The following CCDC181 variants were observed in gnomAD, a reference collection of about 807,000 sequenced individuals.
The protein encoded by CCDC181 is coiled-coil domain containing 181, also known as coiled-coil domain-containing protein 181.
CCDC181 carries 35 observed loss-of-function variants against 58.7 expected under a neutral mutation model. The ratio of observed to expected loss-of-function variants is 0.60; its 90% CI spans 0.46 to 0.79. CCDC181 has a LOEUF of 0.79. CCDC181 is among the 30% of genes least tolerant of loss of function. The pLI, the probability that CCDC181 is intolerant of heterozygous loss-of-function variation, is 0.00. For synonymous variants in CCDC181, 183 were observed against 197.5 expected, an observed-to-expected ratio of 0.93 and a Z score of 0.62; for missense variants, 517 against 583.9, an observed-to-expected ratio of 0.89 and a Z score of 1.18.
intron 2 of CCDC181, among the ~76,000 whole-genome samples, chr1:169,451,938 A>G (rs1657554211): frequency 1.3e-5 from 2 of 152,082 alleles, no homozygotes; most frequent in Admixed American, 1.3e-4. Context: ...TGACTATGTT[A>G]TGATTAATTA....
intron 4 of CCDC181, among the ~76,000 whole-genome samples, chr1:169,406,504 G>A (rs947505698): frequency 6.6e-6 from 1 of 152,178 alleles, no homozygotes; most frequent in Non-Finnish European, 1.5e-5. Flanking sequence ...TTAGGGACAT[G>A]GATGAAGCTG....
chr1:169,458,178 TTTTTTTTTTTGTTTTG>T lies in CCDC181; in HGVS notation c.-24+1603_-24+1618del, dbSNP rs1557884432. On this transcript the variant is annotated intron_variant, in intron 2 of 6. Coordinates refer to the CCDC181 transcript ENST00000545005. ...GGCTGGGGCAAAAGTAATTTTTGTTTTTTTTTTTTTGTTTTGTTTTTTTTGCCATTTAAAAGTATGG... is the reference window on the plus strand; with the variant it reads ...GGCTGGGGCAAAAGTAATTTTTGTTTTTTTTTTTGCCATTTAAAAGTATGG... Among the ~76,000 whole-genome samples, 125 of 142,594 alleles carry T rather than the reference TTTTTTTTTTTGTTTTG, an allele frequency of 8.8e-4. 1 individual carries two copies. Among genetic ancestry groups the T allele is most frequent in the African/African-American group, 3.2e-3 (122 of 38,418 alleles). The allele number at this position is 142,594 out of a possible 152,430, so 93.5% of individuals were successfully genotyped here.
chr1:169,424,372 A>C (rs999941133), intron 2 of CCDC181, among the ~76,000 whole-genome samples: 2 of 151,916 alleles, frequency 1.3e-5, no homozygotes, highest in African/African-American at 4.8e-5. Context: ...TTCAGTCTTA[A>C]AGTTTTAAAT....
rs1206218019 is a variant in CCDC181 at position 169,395,124 on chromosome 1, T to C, written c.1453A>G (p.Lys485Glu). The change falls in exon 6 of 6, where the codon AAG (lysine) becomes GAG (glutamate). Residue 485 changes from lysine to glutamate, a missense_variant. By Grantham distance (56) the Lys-to-Glu change is moderately conservative. Transcript: ENST00000367806. ...ERTRQLRLEA[K>E]RSKQLQHHLY... ...TGGTGCTGTAACTGTTTAGAACGCT[T>C]AGCTTCTAGTCGGAGCTGTCTAGTT... is the stretch of plus-strand genomic sequence containing the variant. The C allele has an allele frequency of 6.2e-7, 1 of 1,613,744 alleles. No individual in the cohort carries two copies. The highest frequency in any genetic ancestry group is 8.5e-7 in the Non-Finnish European group (1 of 1,179,812).
intron 4 of CCDC181, among the ~76,000 whole-genome samples, chr1:169,417,267 G>A (rs1441380867): frequency 2.6e-5 from 4 of 152,198 alleles, no homozygotes; most frequent in Non-Finnish European, 5.9e-5. Context: ...CAAAAGCCTA[G>A]ATTGTGACCA....
chr1:169,441,160 C>T (rs1657218765), intron 2 of CCDC181, among the ~76,000 whole-genome samples: 1 of 152,004 alleles, frequency 6.6e-6, no homozygotes. Context: ...TTTCTGTACA[C>T]TTAGTAGTAT....
At chr1:169,411,753 T>G (rs921275307) in intron 4 of CCDC181, among the ~76,000 whole-genome samples, 6 of 152,296 alleles carry the variant, frequency 3.9e-5, no homozygotes, top group Admixed American at 3.9e-4. Flanking sequence ...TAATCCATCA[T>G]ATAAACAGAA....
intron 3 of CCDC181, among the ~76,000 whole-genome samples, 187 bp from the exon 4 acceptor site, chr1:169,419,346 G>A (rs751775007): frequency 5.9e-5 from 9 of 152,160 alleles, no homozygotes; most frequent in Middle Eastern, 3.2e-3. Context: ...CTGGGGGGCC[G>A]AGGCAGGCAG....
Position 169,406,357 on chromosome 1 carries a change from T to C in CCDC181, c.1216-8966A>G, listed in dbSNP as rs569233569. 7.2e-5 allele frequency among the ~76,000 whole-genome samples: 11 copies of C among 152,326 alleles called. No homozygotes were observed. In the South Asian group the frequency reaches 1.7e-3, roughly 23 times the overall value. On this transcript the variant is annotated intron_variant, in intron 4 of 5. Transcript: ENST00000367806. ...AAAGACACATGCACACATATGTTTA[T>C]TGCAGCACTATTCACAATAGCAAAG...
At chr1:169,406,435 T>G (rs1026160059) in intron 4 of CCDC181, among the ~76,000 whole-genome samples, 10 of 152,160 alleles carry the variant, frequency 6.6e-5, no homozygotes, top group African/African-American at 2.4e-4. Context: ...AAGTAAATGT[T>G]GCACATATAC....
intron 4 of CCDC181, among the ~76,000 whole-genome samples, chr1:169,416,806 G>C (rs1557867348): frequency 6.6e-6 from 1 of 151,884 alleles, no homozygotes; most frequent in Non-Finnish European, 1.5e-5. Context: ...TGCCTTGCCT[G>C]TGAAAGTACT....
intron 2 of CCDC181, among the ~76,000 whole-genome samples, chr1:169,439,488 C>T (rs1021591344): frequency 6.6e-6 from 1 of 152,222 alleles, no homozygotes; most frequent in East Asian, 1.9e-4. Context: ...ATTTGCTCAG[C>T]CACTGCGCTC....
At chr1:169,422,421 TTAAG>T (rs1201848473) in intron 2 of CCDC181, 108 bp from the exon 3 acceptor site, 2 of 766,666 alleles carry the variant, frequency 2.6e-6, no homozygotes, top group African/African-American at 3.5e-5. Context: ...ATGGGAAAAT[TTAAG>T]TGTTTATTGC....
chr1:169,403,378 C>T (rs1655464323), intron 4 of CCDC181, among the ~76,000 whole-genome samples: 1 of 152,260 alleles, frequency 6.6e-6, no homozygotes, highest in Non-Finnish European at 1.5e-5. Context: ...CACCACATCA[C>T]ACTTATTCCA....
chr1:169,455,441 A>T (rs1241027208), intron 2 of CCDC181, among the ~76,000 whole-genome samples: 4 of 152,104 alleles, frequency 2.6e-5, no homozygotes, highest in Non-Finnish European at 5.9e-5. Context: ...TTAGGTTTAA[A>T]GCCCCACTAA....
At chr1:169,434,847 C>T (rs1283177045) in intron 2 of CCDC181, among the ~76,000 whole-genome samples, 2 of 151,962 alleles carry the variant, frequency 1.3e-5, no homozygotes, top group Admixed American at 1.3e-4. Context: ...GTCATAAAAA[C>T]ACAATATTGT....
At chr1:169,429,671 T>C (rs1472876916), upstream of CCDC181, among the ~76,000 whole-genome samples, 1 of 152,202 alleles carries the variant, frequency 6.6e-6, no homozygotes, top group Middle Eastern at 3.2e-3. Flanking sequence ...TCCTTGCTGA[T>C]TTGTTTGAGT....
chr1:169,413,667 T>C (rs1448292421), intron 4 of CCDC181, among the ~76,000 whole-genome samples: 1 of 152,124 alleles, frequency 6.6e-6, no homozygotes, highest in Non-Finnish European at 1.5e-5. Flanking sequence ...GGCAGTTATA[T>C]ACCATGGAAT....
At chr1:169,416,246 A>C (rs1413677967) in intron 4 of CCDC181, among the ~76,000 whole-genome samples, 1 of 152,082 alleles carries the variant, frequency 6.6e-6, no homozygotes, top group Admixed American at 6.5e-5. Context: ...CTCCTTTCCC[A>C]TGTAGCTCTC....
Sources: allele counts gnomAD v4.1 joint callset (sites outside exome capture counted in the v4.1 genomes callset), GRCh38; gene constraint gnomAD v4.1.1; transcripts MANE v1.5; gene names NCBI Gene and HGNC (gene_info 2026-07-23, HGNC 2026-07-21).